B4GALT6: variants seen among roughly 807,000 people sequenced by gnomAD.
B4GALT6 encodes the protein beta-1,4-galactosyltransferase 6, also known as UDP-Gal:beta-GlcNAc beta-1,4-galactosyltransferase 6.
B4GALT6 carries 14 observed loss-of-function variants against 46.3 expected under a neutral mutation model. The ratio of observed to expected loss-of-function variants is 0.30; its 90% CI spans 0.20 to 0.47. The LOEUF is 0.47. B4GALT6 is among the 20% of genes least tolerant of loss of function. The pLI, the probability that B4GALT6 is intolerant of heterozygous loss-of-function variation, is 0.99. For missense variants in B4GALT6, 386 were observed against 480.1 expected, an observed-to-expected ratio of 0.80 and a Z score of 1.83; for synonymous variants, 168 against 162.0, an observed-to-expected ratio of 1.04 and a Z score of -0.28.
chr18:31,660,256 T>C (rs777524741), intron 2 of B4GALT6, among the ~76,000 whole-genome samples: 2 of 152,150 alleles, frequency 1.3e-5, no homozygotes, highest in African/African-American at 2.4e-5. Context: ...GCCTGATTCT[T>C]TAAATATATA....
chr18:31,662,169 C>G (rs2074225030), intron 2 of B4GALT6, among the ~76,000 whole-genome samples: 1 of 152,152 alleles, frequency 6.6e-6, no homozygotes, highest in Admixed American at 6.5e-5. Flanking sequence ...TTTTAAAGAA[C>G]CACATTTAAG....
intron 1 of B4GALT6, among the ~76,000 whole-genome samples, chr18:31,672,655 C>T (rs184055202): frequency 5.2e-4 from 79 of 152,350 alleles, no homozygotes; most frequent in Non-Finnish European, 9.4e-4. Flanking sequence ...GTCAAGCATA[C>T]TTTACATATA....
intron 2 of B4GALT6, among the ~76,000 whole-genome samples, chr18:31,664,373 A>C (rs1490172906): frequency 6.6e-6 from 1 of 152,230 alleles, no homozygotes; most frequent in Non-Finnish European, 1.5e-5. Context: ...TAATGTATAC[A>C]ATGACTGTTT....
At chr18:31,640,945 T>C (rs2073923366) in intron 4 of B4GALT6, among the ~76,000 whole-genome samples, 1 of 152,230 alleles carries the variant, frequency 6.6e-6, no homozygotes, top group South Asian at 2.1e-4. Flanking sequence ...TGAGTACATA[T>C]CCCACCACTA....
At chr18:31,721,217 A>C in the B4GALT6 span, among the ~76,000 whole-genome samples, 1 of 152,142 alleles carries the variant, frequency 6.6e-6, no homozygotes, top group South Asian at 2.1e-4. Context: ...GGATAGCATT[A>C]GGAGAAATAC....
At chr18:31,724,296 C>A in the B4GALT6 span, 2 of 462,276 alleles carry the variant, frequency 4.3e-6, no homozygotes, top group Non-Finnish European at 7.1e-6. Flanking sequence ...CCCACGGGCC[C>A]CTCCTCACAT....
At chr18:31,713,884 G>A in the B4GALT6 span, among the ~76,000 whole-genome samples, 1 of 152,200 alleles carries the variant, frequency 6.6e-6, no homozygotes, top group East Asian at 1.9e-4. Flanking sequence ...TTGGCCCGGC[G>A]TTGCCAGGTA....
intron 5 of B4GALT6, among the ~76,000 whole-genome samples, chr18:31,634,573 G>A (rs908330503): frequency 3.3e-5 from 5 of 152,114 alleles, no homozygotes; most frequent in African/African-American, 1.2e-4. Context: ...TCTCACCCAC[G>A]ACTTTCTGTC....
intron 3 of B4GALT6, among the ~76,000 whole-genome samples, chr18:31,656,612 A>C (rs2074142811): frequency 6.6e-6 from 1 of 152,142 alleles, no homozygotes; most frequent in Admixed American, 6.5e-5. Flanking sequence ...TTAGAAGGAA[A>C]TAAAGGTATT....
chr18:31,684,120 T>A (rs935036617), intron 1 of B4GALT6, among the ~76,000 whole-genome samples, 192 bp downstream of exon 1: 2 of 152,226 alleles, frequency 1.3e-5, no homozygotes, highest in African/African-American at 4.8e-5. Context: ...ACAAAATGCA[T>A]GCATTAACAA....
At chr18:31,667,001 G>A (rs552369588) in intron 1 of B4GALT6, among the ~76,000 whole-genome samples, 2 of 152,252 alleles carry the variant, frequency 1.3e-5, no homozygotes, top group East Asian at 1.9e-4. Flanking sequence ...TATTTTTAAA[G>A]CAGCTCAATT....
chr18:31,691,960 A>G, the B4GALT6 span, among the ~76,000 whole-genome samples: 1 of 152,198 alleles, frequency 6.6e-6, no homozygotes, highest in Non-Finnish European at 1.5e-5. Context: ...AAGTATTAAT[A>G]ATACCAATTT....
At chr18:31,656,881 G>C (rs1330019209) in intron 3 of B4GALT6, among the ~76,000 whole-genome samples, 1 of 152,132 alleles carries the variant, frequency 6.6e-6, no homozygotes. Flanking sequence ...CCATGATGCA[G>C]CAAGTCACAG....
chr18:31,696,975 G>A, the B4GALT6 span, among the ~76,000 whole-genome samples: 2 of 152,146 alleles, frequency 1.3e-5, no homozygotes, highest in South Asian at 4.1e-4. Context: ...GACTTTAAGA[G>A]AGCCAGCTAG....
chr18:31,651,399 T>C (rs763148880), intron 3 of B4GALT6, among the ~76,000 whole-genome samples: 1 of 151,740 alleles, frequency 6.6e-6, no homozygotes, highest in Non-Finnish European at 1.5e-5. Flanking sequence ...TCCACCAGGG[T>C]GGGGTGGGGG....
At chr18:31,647,755 G>T (rs1182562382) in intron 3 of B4GALT6, among the ~76,000 whole-genome samples, 4 of 152,116 alleles carry the variant, frequency 2.6e-5, no homozygotes. Flanking sequence ...CTGTACATAG[G>T]AAGGGAAGGG....
chr18:31,645,337 G>A lies in B4GALT6; in HGVS notation c.471+18C>T, dbSNP rs1198748410. The A allele has an allele frequency of 6.2e-7, 1 of 1,612,300 alleles. No individual in the cohort carries two copies. Among genetic ancestry groups the A allele is most frequent in the African/African-American group, 1.3e-5 (1 of 74,846 alleles). ...GCTCAGTAACAATCAAATTGCTTATGAAAAGAATTTACCTCACCTTCCATC... is the reference window on the plus strand; with the variant it reads ...GCTCAGTAACAATCAAATTGCTTATAAAAAGAATTTACCTCACCTTCCATC... On this transcript the variant is annotated intron_variant, in intron 4 of 8. Transcript: ENST00000306851.
At chr18:31,685,353 C>T (rs975586033), upstream of B4GALT6, among the ~76,000 whole-genome samples, 3 of 151,588 alleles carry the variant, frequency 2.0e-5, no homozygotes, top group Non-Finnish European at 2.9e-5. Flanking sequence ...CCGTCGGAGC[C>T]GCGTCTGGTT....
intron 3 of B4GALT6, among the ~76,000 whole-genome samples, chr18:31,646,687 T>A (rs2073994662): frequency 6.6e-6 from 1 of 152,184 alleles, no homozygotes; most frequent in African/African-American, 2.4e-5. Context: ...ATAAAAACAC[T>A]CAGTTCCTCT....
Sources: gnomAD v4.1 joint callset for allele counts (sites outside exome capture counted in the v4.1 genomes callset) on GRCh38, gnomAD v4.1.1 for gene constraint, MANE v1.5 for transcripts, NCBI Gene and HGNC (gene_info 2026-07-23, HGNC 2026-07-21) for gene names.